MAPRE3: variants seen among roughly 807,000 people sequenced by gnomAD.
The protein encoded by MAPRE3 is microtubule associated protein RP/EB family member 3.
A neutral mutation model predicts 30.5 loss-of-function variants in MAPRE3; 2 were observed. The observed-to-expected ratio is 0.07, with a 90% confidence interval of 0.03 to 0.21. The LOEUF (loss-of-function observed/expected upper bound fraction) is 0.21. Among genes scored for constraint, MAPRE3 ranks in the 10% least tolerant of loss-of-function variants. The probability of loss-of-function intolerance (pLI) is 1.00; values close to 1 mark genes in which losing one functional copy is unlikely to be tolerated. For synonymous variants in MAPRE3, 110 were observed against 127.7 expected, an observed-to-expected ratio of 0.86 and a Z score of 0.93; for missense variants, 204 against 351.8, an observed-to-expected ratio of 0.58 and a Z score of 3.36.
At position 26,985,490 on chromosome 2, in the gene MAPRE3, GTGC is replaced by G. The variant is rs1433738978; in HGVS notation, c.-8+14691_-8+14693del. Among the ~76,000 whole-genome samples, 1 of 152,148 alleles carries G rather than the reference GTGC, an allele frequency of 6.6e-6. No individual in the cohort carries two copies. Among genetic ancestry groups the G allele is most frequent in the Non-Finnish European group, 1.5e-5 (1 of 68,030 alleles). ...ACTTGCTCAGGTGTGGCCCAGACCA[GTGC>G]TGTACCATACTGCCATGGCCACAGG... On this transcript the variant is annotated intron_variant, in intron 1 of 6. Transcript: ENST00000233121. The surrounding 1 kb of genome is among the most constrained non-coding windows in gnomAD (Gnocchi z 4.2).
chr2:27,024,326 G>A lies in MAPRE3; in HGVS notation c.469+29G>A, dbSNP rs376120398. ...ACGTGCCCGAGCCGGGGGAGGGAGCGTGGGGGGCCGGGCCGGCAGGCCTCT... is the reference window on the plus strand; with the variant it reads ...ACGTGCCCGAGCCGGGGGAGGGAGCATGGGGGGCCGGGCCGGCAGGCCTCT... On this transcript the variant is annotated intron_variant, in intron 4 of 6. Coordinates refer to ENST00000233121, the MANE Select transcript of MAPRE3 (RefSeq NM_012326.4). 81 of 1,602,518 alleles carry A rather than the reference G, an allele frequency of 5.1e-5. 1 individual carries two copies. The highest frequency in any genetic ancestry group is 1.0e-4 in the South Asian group (9 of 90,138).
At chr2:27,004,604 C>G (rs1013398459) in intron 1 of MAPRE3, among the ~76,000 whole-genome samples, 7 of 151,892 alleles carry the variant, frequency 4.6e-5, no homozygotes, top group African/African-American at 4.8e-5. Flanking sequence ...CGCCACCATG[C>G]CCAGCTAATT....
At chr2:27,023,553 A>G (rs886572741) in intron 3 of MAPRE3, 76 bp downstream of exon 3, 1 of 1,571,312 alleles carries the variant, frequency 6.4e-7, no homozygotes, top group Admixed American at 1.7e-5. Flanking sequence ...AGCCCAGGCA[A>G]CTGGGGCTGC....
chr2:27,014,108 T>C (rs1311672593), intron 1 of MAPRE3: 3 of 152,218 alleles, frequency 2.0e-5, no homozygotes, highest in African/African-American at 7.2e-5. Context: ...AAGTAGGTGT[T>C]TGAGGAACTG....
chr2:26,973,749 G>T (rs899593319), intron 1 of MAPRE3, among the ~76,000 whole-genome samples: 1 of 151,706 alleles, frequency 6.6e-6, no homozygotes, highest in African/African-American at 2.4e-5. Flanking sequence ...TAGAGACGGG[G>T]TTTCACCTTG....
intron 1 of MAPRE3, chr2:27,012,365 G>C (rs949136461): frequency 2.0e-5 from 3 of 152,212 alleles, no homozygotes; most frequent in African/African-American, 7.2e-5. Flanking sequence ...AAGAGCATGG[G>C]ATTTGTGTTC....
intron 1 of MAPRE3, among the ~76,000 whole-genome samples, chr2:27,000,642 AG>A (rs1450218789): frequency 6.6e-6 from 1 of 152,232 alleles, no homozygotes; most frequent in African/African-American, 2.4e-5. Context: ...GAGGAGGAGG[AG>A]GGAAGCAAGG....
At chr2:27,021,142 G>T (rs1376309511) in intron 1 of MAPRE3, among the ~76,000 whole-genome samples, 2 of 152,182 alleles carry the variant, frequency 1.3e-5, no homozygotes, top group East Asian at 3.8e-4. Flanking sequence ...ATGTGTGTAG[G>T]TTAACTGTAA....
At chr2:27,018,351 CCCTCTGCACCAGCTCCTGGCCGT>C (rs1553330664) in intron 1 of MAPRE3, among the ~76,000 whole-genome samples, 1 of 152,154 alleles carries the variant, frequency 6.6e-6, no homozygotes, top group Non-Finnish European at 1.5e-5. Flanking sequence ...ATAGCTGGTG[CCCTCTGCACCAGCTCCTGGCCGT>C]CCTCTGCACC....
At chr2:27,016,242 T>G (rs1666980145) in intron 1 of MAPRE3, among the ~76,000 whole-genome samples, 1 of 152,000 alleles carries the variant, frequency 6.6e-6, no homozygotes, top group South Asian at 2.1e-4. Context: ...AACATGTGGA[T>G]GGGGTTGGAA....
chr2:26,990,568 T>G (rs1666316570), intron 1 of MAPRE3, among the ~76,000 whole-genome samples: 1 of 152,184 alleles, frequency 6.6e-6, no homozygotes, highest in South Asian at 2.1e-4. Flanking sequence ...CTCACAATAT[T>G]TCTATTTTGA....
At chr2:27,008,915 A>G (rs1666788997) in intron 1 of MAPRE3, among the ~76,000 whole-genome samples, 1 of 152,224 alleles carries the variant, frequency 6.6e-6, no homozygotes, top group Admixed American at 6.5e-5. Flanking sequence ...GATGGAAGTT[A>G]AAGGCGCTAT....
chr2:26,995,230 A>G (rs1050370537), intron 1 of MAPRE3, among the ~76,000 whole-genome samples: 3 of 152,220 alleles, frequency 2.0e-5, no homozygotes, highest in African/African-American at 7.2e-5. Flanking sequence ...GGGAGGCTCT[A>G]GCTCATAATT....
chr2:27,014,446 G>A (rs2148221983), intron 1 of MAPRE3: 1 of 152,424 alleles, frequency 6.6e-6, no homozygotes. Context: ...GGGTCTTAGA[G>A]TTGTGACCTA....
chr2:26,990,285 C>G (rs1227602695), intron 1 of MAPRE3, among the ~76,000 whole-genome samples: 3 of 152,214 alleles, frequency 2.0e-5, no homozygotes, highest in Admixed American at 1.3e-4. Flanking sequence ...TCCACACCCC[C>G]TCCTATGCGC....
intron 1 of MAPRE3, among the ~76,000 whole-genome samples, chr2:27,018,973 G>A (rs1232035081): frequency 6.6e-6 from 1 of 151,704 alleles, no homozygotes; most frequent in East Asian, 1.9e-4. Flanking sequence ...CTGGAGTACA[G>A]TGGCATGATC....
At chr2:27,014,990 A>G (rs1666950269) in intron 1 of MAPRE3, 1 of 152,248 alleles carries the variant, frequency 6.6e-6, no homozygotes, top group Non-Finnish European at 1.5e-5. Context: ...GGCCGGTAGG[A>G]TGGCGTCTAC....
intron 1 of MAPRE3, chr2:27,003,157 C>G (rs1666641475): frequency 6.6e-6 from 1 of 152,598 alleles, no homozygotes. Flanking sequence ...TACGGCCCTT[C>G]TCATCCAGTG....
Position 26,976,085 on chromosome 2 carries a change from C to A in MAPRE3, c.-8+5283C>A, listed in dbSNP as rs551422584. 3.3e-5 allele frequency among the ~76,000 whole-genome samples: 5 copies of A among 152,292 alleles called. No homozygotes were observed. In the East Asian group the frequency reaches 9.6e-4, roughly 29 times the overall value. ...TGACCTTCATGAAAAATTCCTGCCT[C>A]TTAGTTAATGTCAAGAGGGCTTGAA... On this transcript the variant is annotated intron_variant, in intron 1 of 6. Transcript: ENST00000233121.
Sources: allele counts gnomAD v4.1 joint callset (sites outside exome capture counted in the v4.1 genomes callset), GRCh38; gene constraint gnomAD v4.1.1; non-coding constraint Gnocchi (gnomAD v3.1); transcripts MANE v1.5; gene names NCBI Gene and HGNC (gene_info 2026-07-23, HGNC 2026-07-21).